Variants in CNTN3 observed in about 807,000 individuals in gnomAD.
CNTN3 encodes contactin 3.
In CNTN3, 60 loss-of-function variants were observed where a neutral mutation model predicts 119.1. The ratio of observed to expected loss-of-function variants is 0.50; its 90% CI spans 0.41 to 0.62. The LOEUF (loss-of-function observed/expected upper bound fraction) is 0.62. CNTN3 is among the 20% of genes least tolerant of loss of function. CNTN3 has a pLI of 0.00. For synonymous variants in CNTN3, 450 were observed against 438.7 expected, an observed-to-expected ratio of 1.03 and a Z score of -0.32; for missense variants, 1,101 against 1,242.4, an observed-to-expected ratio of 0.89 and a Z score of 1.71.
At chr3:74,312,558 C>T (rs1281459936) in intron 13 of CNTN3, among the ~76,000 whole-genome samples, 1 of 151,592 alleles carries the variant, frequency 6.6e-6, no homozygotes, top group Non-Finnish European at 1.5e-5. Context: ...ATAGCCAACT[C>T]CAGGCCCCTT....
At chr3:74,368,885 A>T (rs1704266051) in intron 8 of CNTN3, among the ~76,000 whole-genome samples, 1 of 151,996 alleles carries the variant, frequency 6.6e-6, no homozygotes, top group Non-Finnish European at 1.5e-5. Context: ...CAGAAAAGAG[A>T]TCTCTCTCTA....
intron 13 of CNTN3, among the ~76,000 whole-genome samples, chr3:74,313,612 G>A (rs1231767379): frequency 6.6e-6 from 1 of 152,118 alleles, no homozygotes; most frequent in Admixed American, 6.5e-5. Context: ...GCATACGTGG[G>A]AGTCTTCTGT....
intron 1 of CNTN3, among the ~76,000 whole-genome samples, chr3:74,588,925 C>T (rs1053727744): frequency 1.3e-4 from 20 of 151,556 alleles, no homozygotes; most frequent in Non-Finnish European, 1.9e-4. Context: ...GAAACTGGAT[C>T]CCTTCCTTAC....
At chr3:74,450,218 GT>G (rs1702123412) in intron 4 of CNTN3, among the ~76,000 whole-genome samples, 1 of 151,940 alleles carries the variant, frequency 6.6e-6, no homozygotes, top group Admixed American at 6.6e-5. Flanking sequence ...AAATACATGT[GT>G]TTTTTATATA....
At chr3:74,367,295 T>G (rs1704221956) in intron 8 of CNTN3, among the ~76,000 whole-genome samples, 1 of 152,108 alleles carries the variant, frequency 6.6e-6, no homozygotes, top group Admixed American at 6.6e-5. Context: ...AAAGCAATAG[T>G]CTACCTCTTT....
chr3:74,489,376 C>T (rs1005434412), intron 3 of CNTN3, among the ~76,000 whole-genome samples: 3 of 151,964 alleles, frequency 2.0e-5, no homozygotes, highest in Non-Finnish European at 4.4e-5. Flanking sequence ...ATTCAACAAC[C>T]GATTAGAAAG....
At chr3:74,329,188 G>GA (rs552762149) in intron 13 of CNTN3, among the ~76,000 whole-genome samples, 142 of 152,176 alleles carry the variant, frequency 9.3e-4, no homozygotes, top group African/African-American at 3.3e-3. Flanking sequence ...ACTGAGAGCT[G>GA]AAAAATACAT....
chr3:74,435,211 G>A (rs1413861707), intron 4 of CNTN3, among the ~76,000 whole-genome samples: 1 of 152,172 alleles, frequency 6.6e-6, no homozygotes, highest in African/African-American at 2.4e-5. Context: ...GTCTTGCTCT[G>A]TTGTCTAGGC....
intron 1 of CNTN3, among the ~76,000 whole-genome samples, chr3:74,581,123 G>T (rs1575844080): frequency 6.6e-6 from 1 of 152,020 alleles, no homozygotes; most frequent in African/African-American, 2.4e-5. Context: ...TTATACTAAA[G>T]GTCCTACAAG....
chr3:74,476,076 T>C (rs374434597), intron 4 of CNTN3, among the ~76,000 whole-genome samples: 27 of 152,254 alleles, frequency 1.8e-4, no homozygotes, highest in African/African-American at 6.0e-4. Flanking sequence ...GGAGAAAATA[T>C]AGGTGTTAGC....
chr3:74,358,849 G>A lies in CNTN3; in HGVS notation c.1364+3041C>T, dbSNP rs549534445. Among the ~76,000 whole-genome samples the A allele has an allele frequency of 1.4e-4, 20 of 145,204 alleles. No individual in the cohort carries two copies. The East Asian group carries it at 4.1e-3, about 30-fold the overall frequency. On this transcript the variant is annotated intron_variant, in intron 11 of 22. Coordinates refer to ENST00000263665, the MANE Select transcript of CNTN3 (RefSeq NM_020872.3). The stretch of plus-strand genomic sequence containing the variant: ...TTGTTCAATTCCCACCTATGAGTGA[G>A]AATATGCGGTGTTTGGTTTTTTGTT...
At chr3:74,555,855 A>C (rs1217429024) in intron 1 of CNTN3, among the ~76,000 whole-genome samples, 6 of 152,106 alleles carry the variant, frequency 3.9e-5, no homozygotes, top group African/African-American at 4.8e-5. Flanking sequence ...TTTTCAAAAA[A>C]CCAGCTCCTG....
rs1340051374 is a variant in CNTN3, at chr3:74,361,993, C to A, written c.1261G>T (p.Val421Leu). Residue 421 changes from valine (V) to leucine (L), a missense_variant, in exon 11 of 23, where the codon GTG becomes TTG. Transcript: ENST00000263665. ...AAGCTGACCAGGCTGCCCACCTGCACCTGAACCAACTTCTTCATTGGATTC... is the reference window on the plus strand; with the variant it reads ...AAGCTGACCAGGCTGCCCACCTGCAACTGAACCAACTTCTTCATTGGATTC... Reference protein sequence around the residue: ...SKNPMKKLVQVQVGSLVSLDC... With the variant: ...SKNPMKKLVQLQVGSLVSLDC... 5.0e-6 allele frequency: 8 copies of A among 1,613,510 alleles called. No individual in the cohort carries two copies. The highest frequency in any genetic ancestry group is 3.3e-5 in the South Asian group (3 of 91,060).
chr3:74,593,783 G>A (rs1470936614), intron 1 of CNTN3, among the ~76,000 whole-genome samples: 1 of 151,946 alleles, frequency 6.6e-6, no homozygotes, highest in African/African-American at 2.4e-5. Flanking sequence ...TATTATTTTA[G>A]CATCTGCTAA....
intron 4 of CNTN3, among the ~76,000 whole-genome samples, chr3:74,425,483 T>C (rs1214341908): frequency 6.6e-6 from 1 of 152,162 alleles, no homozygotes; most frequent in East Asian, 1.9e-4. Context: ...AATATAAATA[T>C]ATACCCACTG....
At chr3:74,328,290 T>C (rs1331840545) in intron 13 of CNTN3, among the ~76,000 whole-genome samples, 2 of 152,164 alleles carry the variant, frequency 1.3e-5, no homozygotes, top group Non-Finnish European at 2.9e-5. Context: ...TCATACATTA[T>C]TTGAGGTATT....
intron 1 of CNTN3, among the ~76,000 whole-genome samples, chr3:74,529,831 T>C (rs919403406): frequency 2.6e-5 from 4 of 152,022 alleles, no homozygotes; most frequent in Admixed American, 6.6e-5. Flanking sequence ...GTTCTAACTG[T>C]GCACACTAGC....
chr3:74,313,007 A>G (rs939000575), intron 13 of CNTN3, among the ~76,000 whole-genome samples: 2 of 152,000 alleles, frequency 1.3e-5, no homozygotes, highest in African/African-American at 4.8e-5. Context: ...AAAAAAAAAA[A>G]GGTTAGAGAT....
intron 1 of CNTN3, among the ~76,000 whole-genome samples, chr3:74,533,516 T>A (rs1341658248): frequency 6.6e-6 from 1 of 152,020 alleles, no homozygotes; most frequent in Non-Finnish European, 1.5e-5. Flanking sequence ...ACTGCTTTTA[T>A]AAATATGCAC....
Sources: allele counts gnomAD v4.1 joint callset (sites outside exome capture counted in the v4.1 genomes callset), GRCh38; gene constraint gnomAD v4.1.1; transcripts MANE v1.5; gene names NCBI Gene and HGNC (gene_info 2026-07-23, HGNC 2026-07-21).